The following RC3H1 variants were observed in gnomAD, a reference collection of about 807,000 sequenced individuals.
RC3H1 encodes the protein ring finger and CCCH-type domains 1, also known as roquin-1.
In RC3H1, 50 loss-of-function variants were observed where a neutral mutation model predicts 138.2. That is an observed-to-expected ratio of 0.36 (90% CI 0.29 to 0.46). The LOEUF (loss-of-function observed/expected upper bound fraction) is 0.46. Ranked by LOEUF, RC3H1 falls within the 20% of genes least tolerant of loss-of-function variation. The pLI, the probability that RC3H1 is intolerant of heterozygous loss-of-function variation, is 1.00. For missense variants in RC3H1, 1,031 were observed against 1,388.1 expected, an observed-to-expected ratio of 0.74 and a Z score of 4.09; for synonymous variants, 462 against 489.1, an observed-to-expected ratio of 0.94 and a Z score of 0.73.
At chr1:174,018,723 G>A (rs1244195510) in intron 1 of RC3H1, among the ~76,000 whole-genome samples, 1 of 152,290 alleles carries the variant, frequency 6.6e-6, no homozygotes, top group African/African-American at 2.4e-5. Flanking sequence ...ACCCAATCCT[G>A]CAGAATACCT....
At chr1:173,951,107 T>C (rs1659376426) in intron 14 of RC3H1, among the ~76,000 whole-genome samples, 1 of 152,038 alleles carries the variant, frequency 6.6e-6, no homozygotes, top group Non-Finnish European at 1.5e-5. Context: ...GGTGGATCAC[T>C]TGAGGTCGGG....
At chr1:174,007,517 G>C (rs1661676692) in intron 1 of RC3H1, among the ~76,000 whole-genome samples, 1 of 152,108 alleles carries the variant, frequency 6.6e-6, no homozygotes, top group African/African-American at 2.4e-5. Flanking sequence ...AGGCTGGAGT[G>C]CAGTGGCATG....
In RC3H1 at chr1:173,943,550, T is replaced by C. The variant is rs1265689820; in HGVS notation, c.3027A>G (p.Pro1009=). 6.2e-7 allele frequency: 1 copy of C among 1,614,074 alleles called. No homozygotes were observed. The highest frequency in any genetic ancestry group is 8.5e-7 in the Non-Finnish European group (1 of 1,179,996). ...ANTLAGQSQP[P]PPPPPKWPGM... is the part of the protein sequence containing the mutation. ...CAGGCCATTTTGGAGGTGGCGGTGG[T>C]GGGGGCTGTGACTGGCCTGCCAGGG... Residue 1009 remains proline (P), a synonymous_variant, in exon 18 of 20, where the codon CCA becomes CCG. Transcript: ENST00000367696.
intron 1 of RC3H1, among the ~76,000 whole-genome samples, chr1:173,997,100 CT>C (rs1661475292): frequency 6.6e-6 from 1 of 151,974 alleles, no homozygotes; most frequent in Non-Finnish European, 1.5e-5. Context: ...ACATGGGCAC[CT>C]GTAGTCCCAG....
chr1:174,004,654 A>C (rs2860842), intron 1 of RC3H1, among the ~76,000 whole-genome samples: 12 of 144,604 alleles, frequency 8.3e-5, no homozygotes, highest in African/African-American at 3.4e-4. Flanking sequence ...AAAAATACAA[A>C]AAAAAAAAAA....
intron 2 of RC3H1, among the ~76,000 whole-genome samples, chr1:173,990,436 G>T (rs1004260852): frequency 1.6e-4 from 24 of 152,014 alleles, no homozygotes; most frequent in Non-Finnish European, 3.2e-4. Context: ...TCTTGTAGAT[G>T]AAATTGATCT....
chr1:174,004,044 TATATG>T (rs1335727396), intron 1 of RC3H1, among the ~76,000 whole-genome samples: 1 of 147,884 alleles, frequency 6.8e-6, no homozygotes, highest in Admixed American at 6.8e-5. Flanking sequence ...TTATTTTATA[TATATG>T]ATATATTATT....
intron 1 of RC3H1, among the ~76,000 whole-genome samples, chr1:174,005,499 T>C (rs761882393): frequency 6.6e-6 from 1 of 152,208 alleles, no homozygotes. Context: ...AATATTGATG[T>C]AGGAATTTGA....
intron 13 of RC3H1, among the ~76,000 whole-genome samples, chr1:173,954,183 T>G (rs1033511504): frequency 2.6e-5 from 4 of 152,172 alleles, no homozygotes; most frequent in Admixed American, 2.0e-4. Flanking sequence ...AACCTAGGTA[T>G]CCAGCAACAG....
chr1:173,980,038 T>C (rs961000892), intron 6 of RC3H1, among the ~76,000 whole-genome samples: 1 of 150,084 alleles, frequency 6.7e-6, no homozygotes, highest in Non-Finnish European at 1.5e-5. Context: ...CCACCACACC[T>C]GGCTATTTTT....
intron 1 of RC3H1, among the ~76,000 whole-genome samples, chr1:174,007,017 G>A (rs1287518797): frequency 6.6e-6 from 1 of 151,950 alleles, no homozygotes; most frequent in Non-Finnish European, 1.5e-5. Context: ...CCCTCCCAAT[G>A]ATTACTCCTT....
intron 2 of RC3H1, among the ~76,000 whole-genome samples, chr1:173,991,942 T>C (rs948315207): frequency 6.6e-6 from 1 of 152,212 alleles, no homozygotes; most frequent in African/African-American, 2.4e-5. Context: ...CAACCATTTT[T>C]AGGTTTATAA....
chr1:174,006,685 T>A (rs1465074051), intron 1 of RC3H1, among the ~76,000 whole-genome samples: 1 of 152,204 alleles, frequency 6.6e-6, no homozygotes. Flanking sequence ...TGGTTTTAAG[T>A]AGGAACTCTG....
chr1:173,955,263 TACAACAACAACAACAACA>T (rs72151707), intron 13 of RC3H1, among the ~76,000 whole-genome samples: 4 of 131,772 alleles, frequency 3.0e-5, no homozygotes, highest in African/African-American at 1.2e-4. Context: ...ACAATCTTCA[TACAACAACAACAACAACA>T]ACAACAACAA....
At chr1:174,010,619 GC>G (rs781083596) in intron 1 of RC3H1, among the ~76,000 whole-genome samples, 20 of 151,912 alleles carry the variant, frequency 1.3e-4, no homozygotes, top group Non-Finnish European at 2.1e-4. Context: ...TCACAATATT[GC>G]CCAGGCTGGT....
chr1:173,981,042 CA>C, intron 5 of RC3H1, 33 bp from the exon 6 acceptor site: 6 of 1,565,304 alleles, frequency 3.8e-6, no homozygotes, highest in Admixed American at 1.8e-5. Context: ...ATAATGAAGT[CA>C]AAAAAATGAG....
At chr1:173,956,607 C>T (rs1410594914) in intron 13 of RC3H1, among the ~76,000 whole-genome samples, 2 of 148,650 alleles carry the variant, frequency 1.3e-5, no homozygotes, top group Non-Finnish European at 3.0e-5. Flanking sequence ...TGCGGTGAGC[C>T]GAGATCGCGC....
chr1:173,968,285 T>C (rs536772431), intron 9 of RC3H1, among the ~76,000 whole-genome samples: 1 of 152,316 alleles, frequency 6.6e-6, no homozygotes, highest in South Asian at 2.1e-4. Context: ...AAATGAATTT[T>C]TGATAGGATC....
At chr1:173,950,156 G>C (rs1323714406) in intron 14 of RC3H1, among the ~76,000 whole-genome samples, 3 of 151,590 alleles carry the variant, frequency 2.0e-5, no homozygotes, top group African/African-American at 4.8e-5. Context: ...GTACAGAGTG[G>C]AACTCCGTCT....
Sources: allele counts gnomAD v4.1 joint callset (sites outside exome capture counted in the v4.1 genomes callset), GRCh38; gene constraint gnomAD v4.1.1; transcripts MANE v1.5; gene names NCBI Gene and HGNC (gene_info 2026-07-23, HGNC 2026-07-21).